TPRG1: variants seen among roughly 807,000 people sequenced by gnomAD.
TPRG1 encodes the protein tumor protein p63 regulated 1, also known as tumor protein p63-regulated gene 1 protein.
Under a neutral mutation model 29.3 loss-of-function variants are expected in TPRG1, and 29 were observed. The ratio of observed to expected loss-of-function variants is 0.99; its 90% CI spans 0.74 to 1.35. The LOEUF (loss-of-function observed/expected upper bound fraction) is 1.35, where lower values mean the gene tolerates loss of function less well. Among genes scored for constraint, TPRG1 ranks in the 40% most tolerant of loss-of-function variants. The probability of loss-of-function intolerance (pLI) is 0.00; values close to 1 mark genes in which losing one functional copy is unlikely to be tolerated. For missense variants in TPRG1, 327 were observed against 335.0 expected (o/e 0.98, Z 0.19); for synonymous variants, 130 against 116.8 (o/e 1.11, Z -0.73).
intron 3 of TPRG1, chr3:189,219,719 T>A: frequency 8.0e-7 from 1 of 1,254,246 alleles, no homozygotes; most frequent in Middle Eastern, 2.2e-4. Context: ...GGAGACAGCA[T>A]CTTCCCTCCA....
intron 4 of TPRG1, among the ~76,000 whole-genome samples, chr3:189,288,868 A>C (rs925297068): frequency 1.3e-5 from 2 of 152,264 alleles, no homozygotes; most frequent in African/African-American, 4.8e-5. Flanking sequence ...GAAAATAATC[A>C]GCATAAGATG....
In TPRG1 at chr3:189,310,556, G is replaced by C; in HGVS notation, c.633+17G>C. The C allele has an allele frequency of 6.3e-7, 1 of 1,593,996 alleles. No homozygotes were observed. ...ATTTGCAAGGTAGGAGGCATCTTGG[G>C]TATTACTCTCAGATTAGCTTTGTTG... On this transcript the variant is annotated intron_variant, in intron 5 of 5. Transcript: ENST00000345063.
intron 5 of TPRG1, among the ~76,000 whole-genome samples, chr3:189,161,788 T>C (rs1218635578): frequency 6.6e-6 from 1 of 152,164 alleles, no homozygotes; most frequent in Admixed American, 6.5e-5. Flanking sequence ...AATAATTATA[T>C]TGTAAGGCAG....
At chr3:189,150,076 A>C (rs1300329853) in intron 4 of TPRG1, among the ~76,000 whole-genome samples, 1 of 152,230 alleles carries the variant, frequency 6.6e-6, no homozygotes, top group African/African-American at 2.4e-5. Flanking sequence ...ATAACTAATG[A>C]GTTGGGGCTG....
intron 4 of TPRG1, among the ~76,000 whole-genome samples, chr3:189,078,107 T>TCTTTCTC (rs1560430839): frequency 4.4e-4 from 55 of 123,952 alleles, no homozygotes; most frequent in African/African-American, 1.7e-3. Flanking sequence ...CTTTCTTTCT[T>TCTTTCTC]TCTTTCTTTC....
In TPRG1 at chr3:189,249,595, T is replaced by C. The variant is rs1741856749; in HGVS notation, c.479+10686T>C. On this transcript the variant is annotated intron_variant, in intron 4 of 5. Transcript: ENST00000345063. ...TGGCCTTAATTATAATATTTTGATT[T>C]TTGTATCATATTTTTAAAATATATT... 3.3e-5 allele frequency among the ~76,000 whole-genome samples: 5 copies of C among 152,164 alleles called. No individual in the cohort carries two copies. The South Asian group carries it at 1.0e-3, about 32-fold the overall frequency.
chr3:189,247,381 T>C, intron 4 of TPRG1, among the ~76,000 whole-genome samples: 2 of 152,172 alleles, frequency 1.3e-5, no homozygotes, highest in East Asian at 1.9e-4. Context: ...TTCTTTTACC[T>C]AAGTTAGCAT....
At position 189,046,753 on chromosome 3, in the gene TPRG1, A is replaced by G. The variant is rs572175024; in HGVS notation, c.-463+22807A>G. ...TTTTTAAAAAGTTTTAAGATTAAAGATATTTGCATTATACTTTTCCTATAG... is the reference window on the plus strand; with the variant it reads ...TTTTTAAAAAGTTTTAAGATTAAAGGTATTTGCATTATACTTTTCCTATAG... On this transcript the variant is annotated intron_variant, in intron 4 of 10. Transcript: ENST00000433971. 2.6e-5 allele frequency among the ~76,000 whole-genome samples: 4 copies of G among 152,324 alleles called. No homozygotes were observed. The East Asian group carries it at 7.7e-4, about 29-fold the overall frequency.
intron 1 of TPRG1, among the ~76,000 whole-genome samples, chr3:189,201,613 C>T (rs1676821373): frequency 6.6e-6 from 1 of 152,080 alleles, no homozygotes; most frequent in Admixed American, 6.6e-5. Flanking sequence ...TTTTCTAAAT[C>T]TGAAGTATGA....
chr3:189,267,535 G>A (rs1199115807), intron 4 of TPRG1: 2 of 152,210 alleles, frequency 1.3e-5, no homozygotes, highest in Admixed American at 1.3e-4. Context: ...TGTTGCTAAA[G>A]AGACAACAGA....
intron 3 of TPRG1, among the ~76,000 whole-genome samples, chr3:189,236,719 A>G (rs761405156): frequency 2.6e-5 from 4 of 152,132 alleles, no homozygotes; most frequent in Non-Finnish European, 5.9e-5. Context: ...GCAGGCATAT[A>G]CTAGGACCTC....
chr3:189,234,515 G>A (rs939295826), intron 3 of TPRG1, among the ~76,000 whole-genome samples: 1 of 152,080 alleles, frequency 6.6e-6, no homozygotes, highest in Non-Finnish European at 1.5e-5. Context: ...CACTATTTTG[G>A]CATGAACATT....
In TPRG1 at chr3:189,321,146, C is replaced by CTT. The variant is rs11391897; in HGVS notation, c.*345_*346dup. The stretch of plus-strand genomic sequence containing the variant: ...GTTGCTTCAGCTCTCTAAATGTAGG[C>CTT]TTTTTTTTTTTTTTTTTTTTAGGTC... On this transcript the variant is annotated 3_prime_UTR_variant, in exon 6 of 6. Transcript: ENST00000345063. The CTT allele has an allele frequency of 1.3e-3, 148 of 113,956 alleles. 1 individual carries two copies. The highest frequency in any genetic ancestry group is 0.011 in the Middle Eastern group (2 of 186). The allele number at this position is 113,956 out of a possible 1,614,324, so 7.1% of individuals were successfully genotyped here.
At position 189,015,237 on chromosome 3, in the gene TPRG1, C is replaced by T. The variant is rs117068574; in HGVS notation, c.-659-8513C>T. On this transcript the variant is annotated intron_variant, in intron 3 of 10. Coordinates refer to the TPRG1 transcript ENST00000433971. ...TTCTAGGGATCTGTGGAACTTTGAACCTGGGAGAGATGATTTAGTGTATCT... is the reference window on the plus strand; with the variant it reads ...TTCTAGGGATCTGTGGAACTTTGAATCTGGGAGAGATGATTTAGTGTATCT... 1.1e-3 allele frequency among the ~76,000 whole-genome samples: 172 copies of T among 152,156 alleles called. 3 individuals carry two copies. The East Asian group carries it at 0.025, about 22-fold the overall frequency.
At chr3:189,061,829 A>G (rs187852760) in intron 4 of TPRG1, among the ~76,000 whole-genome samples, 2 of 151,996 alleles carry the variant, frequency 1.3e-5, no homozygotes, top group Non-Finnish European at 2.9e-5. Context: ...ACATTTATAC[A>G]CTGGTGGTGG....
upstream of TPRG1, among the ~76,000 whole-genome samples, chr3:189,171,673 T>G (rs1403972459): frequency 5.3e-5 from 8 of 152,186 alleles, no homozygotes; most frequent in Non-Finnish European, 1.2e-4. Flanking sequence ...ATATTAATGA[T>G]AGGAGTGTAG....
chr3:189,043,542 GA>G (rs1183859255), intron 4 of TPRG1, among the ~76,000 whole-genome samples: 6 of 152,142 alleles, frequency 3.9e-5, no homozygotes, highest in South Asian at 4.1e-4. Context: ...CCTGATGGAA[GA>G]ACAATTTGTT....
chr3:189,035,948 C>A (rs188036602), intron 4 of TPRG1, among the ~76,000 whole-genome samples: 46 of 152,156 alleles, frequency 3.0e-4, no homozygotes, highest in Non-Finnish European at 4.6e-4. Flanking sequence ...ATAAATTGTT[C>A]TACCAAAAAG....
upstream of TPRG1, among the ~76,000 whole-genome samples, chr3:189,171,329 C>T (rs1279528621): frequency 6.6e-6 from 1 of 152,246 alleles, no homozygotes; most frequent in Non-Finnish European, 1.5e-5. Context: ...CATTAAATGA[C>T]AGATCAGGAT....
Sources: gnomAD v4.1 joint callset for allele counts (sites outside exome capture counted in the v4.1 genomes callset) on GRCh38, gnomAD v4.1.1 for gene constraint, MANE v1.5 for transcripts, NCBI Gene and HGNC (gene_info 2026-07-23, HGNC 2026-07-21) for gene names.